The following ATP8B3 variants were observed in gnomAD, a reference collection of about 807,000 sequenced individuals.
ATP8B3 encodes the protein ATPase phospholipid transporting 8B3, also known as phospholipid-transporting ATPase IK.
A neutral mutation model predicts 140.9 loss-of-function variants in ATP8B3; 141 were observed. The observed-to-expected ratio is 1.00, with a 90% CI of 0.87 to 1.15. The LOEUF (loss-of-function observed/expected upper bound fraction) is 1.15. ATP8B3 is among the 50% of genes most tolerant of loss of function. ATP8B3 has a pLI of 0.00. For synonymous variants in ATP8B3, 765 were observed against 714.6 expected (o/e 1.07, Z -1.13); for missense variants, 1,874 against 1,740.6 (o/e 1.08, Z -1.36).
chr19:1,795,166 G>C (rs570948542), intron 18 of ATP8B3, among the ~76,000 whole-genome samples: 1 of 152,028 alleles, frequency 6.6e-6, no homozygotes, highest in East Asian at 1.9e-4. Context: ...GAGGCAGGAG[G>C]ATAGCTTAAG....
At chr19:1,796,364 TTGATG>T (rs1247714521) in intron 16 of ATP8B3, 99 bp from the exon 17 acceptor site, 1 of 1,185,582 alleles carries the variant, frequency 8.4e-7, no homozygotes, top group Admixed American at 2.4e-5. Flanking sequence ...TACACCTTTA[TTGATG>T]GTGGCCGGGG....
intron 14 of ATP8B3, 36 bp from the exon 15 acceptor site, chr19:1,797,041 C>T (rs763132753): frequency 3.7e-6 from 6 of 1,612,746 alleles, no homozygotes; most frequent in Non-Finnish European, 5.1e-6. Context: ...TCAGCTCCCA[C>T]AGGCCCCCCA....
intron 28 of ATP8B3, among the ~76,000 whole-genome samples, 158 bp downstream of exon 28, chr19:1,784,661 C>T (rs572188944): frequency 5.9e-5 from 9 of 152,250 alleles, no homozygotes; most frequent in Admixed American, 2.0e-4. Context: ...GGGCACTGGG[C>T]GTGTGTCCGG....
At position 1,807,319 on chromosome 19, in the gene ATP8B3, T is replaced by C. The variant is rs112727821; in HGVS notation, c.517-53A>G. 11 of 1,395,194 alleles carry C rather than the reference T, an allele frequency of 7.9e-6. No homozygotes were observed. Among genetic ancestry groups the C allele is most frequent in the African/African-American group, 7.5e-5 (5 of 66,738 alleles). 86.4% of individuals were successfully genotyped at this position (1,395,194 alleles called of 1,614,324 possible). On this transcript the variant is annotated intron_variant, in intron 5 of 28. Coordinates refer to ENST00000310127, the MANE Select transcript of ATP8B3 (RefSeq NM_138813.4). The surrounding 1 kb of genome is among the most constrained non-coding windows in gnomAD (Gnocchi z 5.9). Reference sequence around the variant, plus strand: ...CACACCAGCCCACTCCCCCGTCCCCTGCCCTTCCACCAAGCCGACCTAGCC... The same window carrying C: ...CACACCAGCCCACTCCCCCGTCCCCCGCCCTTCCACCAAGCCGACCTAGCC...
At position 1,811,832 on chromosome 19, in the gene ATP8B3, G is replaced by A. The variant is rs902051449; in HGVS notation, c.-96C>T. ...GAGACCCCCGTGGGGGCAGACTGGG[G>A]ATTGGAGAGTTGGAGAGAATGCTCA... is the stretch of plus-strand genomic sequence containing the variant. On this transcript the variant is annotated 5_prime_UTR_variant, in exon 2 of 29. Transcript: ENST00000310127. 1.7e-5 allele frequency: 22 copies of A among 1,330,734 alleles called. No individual in the cohort carries two copies. The highest frequency in any genetic ancestry group is 1.2e-4 in the South Asian group (8 of 66,628). 82.4% of individuals were successfully genotyped at this position (1,330,734 alleles called of 1,614,324 possible). A position where few individuals can be genotyped will look rare whatever the true frequency, so the allele number is the denominator to read the frequency against.
intron 3 of ATP8B3, 142 bp from the exon 4 acceptor site, chr19:1,809,876 C>G: frequency 1.4e-6 from 1 of 736,820 alleles, no homozygotes; most frequent in Non-Finnish European, 2.3e-6. Context: ...AACAGACAGT[C>G]GGGCAGCAGG....
At position 1,796,704 on chromosome 19, in the gene ATP8B3, G is replaced by A; in HGVS notation, c.1753+7C>T. On this transcript the variant is annotated splice_region_variant and intron_variant, in intron 16 of 28. Transcript: ENST00000310127. ...GGCCTCAGAGATGGGGAGGTGGGTG[G>A]GCGCACCTGGGCGCTCACGGGGGCT... is the stretch of plus-strand genomic sequence containing the variant. The A allele has an allele frequency of 6.2e-7, 1 of 1,607,398 alleles. No homozygotes were observed. The highest frequency in any genetic ancestry group is 8.5e-7 in the Non-Finnish European group (1 of 1,178,282).
At position 1,806,046 on chromosome 19, in the gene ATP8B3, C is replaced by T. The variant is rs1161127166; in HGVS notation, c.750+51G>A. ...CCCTCCCCACCCTGGGAGGGGTGCT[C>T]TCGGTGAGGGGGCGCGTGGTTCTGG... On this transcript the variant is annotated intron_variant, in intron 8 of 28. Coordinates refer to ENST00000310127, the MANE Select transcript of ATP8B3 (RefSeq NM_138813.4). This position sits in a 1 kb window ranked among gnomAD's most constrained non-coding sequence, Gnocchi z 5.6. 4 of 1,605,226 alleles carry T rather than the reference C, an allele frequency of 2.5e-6. No homozygotes were observed. Among genetic ancestry groups the T allele is most frequent in the Non-Finnish European group, 3.4e-6 (4 of 1,176,686 alleles).
chr19:1,791,074 G>A (rs1436992278), intron 20 of ATP8B3, among the ~76,000 whole-genome samples: 1 of 152,248 alleles, frequency 6.6e-6, no homozygotes. Flanking sequence ...CTGAGGCCAG[G>A]ATCAGCAGGC....
At chr19:1,796,619 T>C in intron 16 of ATP8B3, 92 bp downstream of exon 16, 1 of 1,479,226 alleles carries the variant, frequency 6.8e-7, no homozygotes, top group Non-Finnish European at 9.0e-7. Flanking sequence ...CTGAAAGCCC[T>C]GGAAGATGGG....
At chr19:1,803,091 G>A (rs905026621) in intron 10 of ATP8B3, among the ~76,000 whole-genome samples, 1 of 152,148 alleles carries the variant, frequency 6.6e-6, no homozygotes, top group Non-Finnish European at 1.5e-5. Flanking sequence ...AGAGGGAAGA[G>A]GAGAAGGGAC....
rs969698754 is a variant in ATP8B3 at position 1,806,840 on chromosome 19, G to A, written c.616-151C>T. ...CACGTTGCGTCTGCTCAGGGATCCC[G>A]GACGTGGGGGCCACTGGACCCACTG... On this transcript the variant is annotated intron_variant, in intron 6 of 28. Coordinates refer to ENST00000310127, the MANE Select transcript of ATP8B3 (RefSeq NM_138813.4). The surrounding 1 kb of genome is among the most constrained non-coding windows in gnomAD (Gnocchi z 5.6). Among the ~76,000 whole-genome samples, 15 of 152,154 alleles carry A rather than the reference G, an allele frequency of 9.9e-5. No homozygotes were observed. The highest frequency in any genetic ancestry group is 2.9e-4 in the African/African-American group (12 of 41,428).
Position 1,800,461 on chromosome 19 carries a change from A to T in ATP8B3, c.1153-12T>A. 7.6e-7 allele frequency: 1 copy of T among 1,308,806 alleles called. No individual in the cohort carries two copies. Among genetic ancestry groups the T allele is most frequent in the Non-Finnish European group, 1.1e-6 (1 of 942,406 alleles). The allele number at this position is 1,308,806 out of a possible 1,614,324, so 81.1% of individuals were successfully genotyped here. On this transcript the variant is annotated splice_polypyrimidine_tract_variant and intron_variant, in intron 12 of 28. Coordinates refer to ENST00000310127, the MANE Select transcript of ATP8B3 (RefSeq NM_138813.4). This position sits in a 1 kb window ranked among gnomAD's most constrained non-coding sequence, Gnocchi z 4.4. ...ACGGAGATGAAGATCTGGAAGGCAG[A>T]CGCGACAGGGTGGGTGAGGGGGGCG...
chr19:1,797,933 T>C (rs1316184159), intron 14 of ATP8B3, among the ~76,000 whole-genome samples: 3 of 151,950 alleles, frequency 2.0e-5, no homozygotes, highest in Non-Finnish European at 4.4e-5. Flanking sequence ...GCCTTCCAAG[T>C]TGCTGGGGCA....
At chr19:1,783,825 G>T (rs1286146098) in intron 28 of ATP8B3, among the ~76,000 whole-genome samples, 1 of 151,324 alleles carries the variant, frequency 6.6e-6, no homozygotes, top group Non-Finnish European at 1.5e-5. Context: ...TGGTTACGTG[G>T]GCTAGTAAGT....
At position 1,793,886 on chromosome 19, in the gene ATP8B3, G is replaced by GCA. The variant is rs1188451823; in HGVS notation, c.2056-1752_2056-1751insTG. On this transcript the variant is annotated intron_variant, in intron 18 of 28. Coordinates refer to ENST00000310127, the MANE Select transcript of ATP8B3 (RefSeq NM_138813.4). ...GCCTCCCGAGTAGCTGAGACTACAG[G>GCA]CCTGCACCACCACATCTGGCTGATT... Among the ~76,000 whole-genome samples the GCA allele has an allele frequency of 1.7e-4, 25 of 150,338 alleles. No individual in the cohort carries two copies. In the South Asian group the frequency reaches 3.3e-3, roughly 20 times the overall value.
chr19:1,789,096 G>T lies in ATP8B3; in HGVS notation c.2870C>A (p.Ala957Glu), dbSNP rs1393250409. 6.3e-7 allele frequency: 1 copy of T among 1,593,376 alleles called. No individual in the cohort carries two copies. Among genetic ancestry groups the T allele is most frequent in the Non-Finnish European group, 8.5e-7 (1 of 1,174,332 alleles). Residue 957 changes from alanine (A) to glutamate (E), a missense_variant, in exon 24 of 29, where the codon GCG becomes GAG. By Grantham distance (107) the Ala-to-Glu change is moderately radical. This residue lies in a region of ATP8B3 where 840 missense variants were observed against 760.9 expected (regional missense o/e 1.10). Coordinates refer to ENST00000310127, the MANE Select transcript of ATP8B3 (RefSeq NM_138813.4). ...IKTADVGVGL[A>E]GQEGMQAVQN... ...AACTGCCTGCATGCCCTCCTGGCCC[G>T]CCAGCCCCACGCCCACGTCCGCGGC...
intron 16 of ATP8B3, 64 bp from the exon 17 acceptor site, chr19:1,796,329 G>GGGA: frequency 7.2e-7 from 1 of 1,383,660 alleles, no homozygotes; most frequent in South Asian, 1.3e-5. Context: ...CCACAGTGCA[G>GGGA]GGAGGAGATG....
Position 1,805,806 on chromosome 19 carries a change from C to T in ATP8B3, c.821+82G>A. 1 of 1,563,566 alleles carries T rather than the reference C, an allele frequency of 6.4e-7. No homozygotes were observed. The highest frequency in any genetic ancestry group is 8.8e-7 in the Non-Finnish European group (1 of 1,140,952). On this transcript the variant is annotated intron_variant, in intron 9 of 28. Coordinates refer to ENST00000310127, the MANE Select transcript of ATP8B3 (RefSeq NM_138813.4). This position sits in a 1 kb window ranked among gnomAD's most constrained non-coding sequence, Gnocchi z 5.2. ...TCTCTGAGCGACCTTGGCTGGCCGC[C>T]TCCTTGGTGACTGGGGAAGGGGGCT...
Sources: allele counts gnomAD v4.1 joint callset (sites outside exome capture counted in the v4.1 genomes callset), GRCh38; gene constraint gnomAD v4.1.1; regional missense constraint gnomAD v4.1.1; non-coding constraint Gnocchi (gnomAD v3.1); transcripts MANE v1.5; gene names NCBI Gene and HGNC (gene_info 2026-07-23, HGNC 2026-07-21).